The following RAI14 variants were observed in gnomAD, a reference collection of about 807,000 sequenced individuals.
The protein encoded by RAI14 is ankycorbin.
In RAI14, 45 loss-of-function variants were observed where a neutral mutation model predicts 115.4. The observed-to-expected ratio is 0.39, with a 90% CI of 0.31 to 0.50. RAI14 has a LOEUF of 0.50. Among genes scored for constraint, RAI14 ranks in the 20% least tolerant of loss-of-function variants. The pLI is 0.85. For missense variants in RAI14, 939 were observed against 1,131.2 expected, an observed-to-expected ratio of 0.83 and a Z score of 2.44; for synonymous variants, 371 against 415.4, an observed-to-expected ratio of 0.89 and a Z score of 1.30.
At chr5:34,757,422 G>A (rs759111064) in intron 2 of RAI14, 46 bp from the exon 3 acceptor site, 54 of 1,604,462 alleles carry the variant, frequency 3.4e-5, no homozygotes, top group Non-Finnish European at 4.6e-5. Flanking sequence ...CAGTGCGGCT[G>A]TGGCCAGTGT....
At chr5:34,829,877 C>A in intron 17 of RAI14, 80 bp downstream of exon 17, 1 of 1,164,490 alleles carries the variant, frequency 8.6e-7, no homozygotes, top group Non-Finnish European at 1.2e-6. Context: ...CATCATTTAA[C>A]TAGGAGAATG....
rs767751027 is a variant in RAI14 at position 34,831,809 on chromosome 5, C to T, written c.*1044C>T. 8 of 152,128 alleles carry T rather than the reference C, an allele frequency of 5.3e-5. No individual in the cohort carries two copies. The highest frequency in any genetic ancestry group is 4.4e-5 in the Non-Finnish European group (3 of 68,026). 9.4% of individuals were successfully genotyped at this position (152,128 alleles called of 1,614,324 possible). ...GACCTAATATGAGCTGCCACCAACA[C>T]CCCTAGAACTTTCAGCCATGGTGTC... On this transcript the variant is annotated 3_prime_UTR_variant, in exon 18 of 18. Coordinates refer to ENST00000265109, the MANE Select transcript of RAI14 (RefSeq NM_015577.3).
chr5:34,713,068 G>A (rs11951239), intron 2 of RAI14, among the ~76,000 whole-genome samples: 42,035 of 151,774 alleles, frequency 0.28, 6,578 homozygotes, highest in African/African-American at 0.44. Context: ...TTGGTGGGGC[G>A]CAAAACATTT....
chr5:34,776,693 A>G (rs1750879526), intron 3 of RAI14, among the ~76,000 whole-genome samples: 2 of 151,964 alleles, frequency 1.3e-5, no homozygotes, highest in Admixed American at 6.6e-5. Flanking sequence ...TGTAGTTGCA[A>G]CTATTCGGGA....
intron 1 of RAI14, among the ~76,000 whole-genome samples, chr5:34,676,843 A>AT (rs1268553437): frequency 2.0e-5 from 3 of 152,336 alleles, no homozygotes; most frequent in Admixed American, 2.0e-4. Context: ...TTTAAAAAGA[A>AT]TGTGCTCATT....
intron 12 of RAI14, 126 bp downstream of exon 12, chr5:34,814,795 A>C: frequency 1.4e-6 from 1 of 729,746 alleles, no homozygotes; most frequent in East Asian, 2.8e-5. Context: ...CCTTTTCACC[A>C]TGAAGTACCC....
At chr5:34,796,293 G>A (rs2150209050) in intron 4 of RAI14, among the ~76,000 whole-genome samples, 1 of 152,036 alleles carries the variant, frequency 6.6e-6, no homozygotes, top group East Asian at 1.9e-4. Context: ...AGCTACTCAG[G>A]AGGCTGAGAC....
At chr5:34,809,151 C>T (rs1045856885) in intron 7 of RAI14, among the ~76,000 whole-genome samples, 2 of 152,184 alleles carry the variant, frequency 1.3e-5, no homozygotes, top group African/African-American at 4.8e-5. Context: ...TTCCCATTTG[C>T]TCCAAGAATA....
intron 3 of RAI14, among the ~76,000 whole-genome samples, chr5:34,777,329 A>G (rs1750989426): frequency 1.3e-5 from 2 of 152,352 alleles, no homozygotes; most frequent in South Asian, 2.1e-4. Context: ...ACAATGGAAT[A>G]CTATTTGGCC....
chr5:34,732,634 TTG>T (rs1744346343), intron 2 of RAI14, among the ~76,000 whole-genome samples: 1 of 151,638 alleles, frequency 6.6e-6, no homozygotes, highest in Non-Finnish European at 1.5e-5. Context: ...AGATGGGGTT[TTG>T]CCACGTTGGC....
chr5:34,808,717 C>T (rs967874100), intron 7 of RAI14, 63 bp downstream of exon 7: 2 of 1,450,930 alleles, frequency 1.4e-6, no homozygotes, highest in Admixed American at 1.7e-5. Context: ...CAATGGGATA[C>T]CTCTAGAGTC....
rs757049411 is a variant in RAI14 at position 34,823,487 on chromosome 5, A to C, written c.1645A>C (p.Asn549His). Residue 549 changes from asparagine (N) to histidine (H), a missense_variant, in exon 15 of 18, where the codon AAT becomes CAT. Coordinates refer to ENST00000265109, the MANE Select transcript of RAI14 (RefSeq NM_015577.3). This position sits in a 1 kb window ranked among gnomAD's most constrained non-coding sequence, Gnocchi z 4.5. ...LQNALEESER[N>H]KEKVRELEEK... ...GAATGCATTAGAAGAAAGTGAAAGAAATAAAGAGAAAGTGAGAGAGTTAGA... is the reference window on the plus strand; with the variant it reads ...GAATGCATTAGAAGAAAGTGAAAGACATAAAGAGAAAGTGAGAGAGTTAGA... 1.9e-6 allele frequency: 3 copies of C among 1,614,068 alleles called. No homozygotes were observed. In the African/African-American group the frequency reaches 4.0e-5, roughly 22 times the overall value.
intron 1 of RAI14, among the ~76,000 whole-genome samples, chr5:34,683,723 G>A (rs1251101584): frequency 6.6e-6 from 1 of 151,618 alleles, no homozygotes; most frequent in Non-Finnish European, 1.5e-5. Flanking sequence ...TTTGAAGGGC[G>A]ATTCCCACCT....
At chr5:34,708,349 T>C (rs1386503988) in intron 2 of RAI14, among the ~76,000 whole-genome samples, 1 of 152,078 alleles carries the variant, frequency 6.6e-6, no homozygotes. Context: ...ATTACAGGCA[T>C]GCGCCACCTC....
At chr5:34,726,314 G>C (rs954109044) in intron 2 of RAI14, among the ~76,000 whole-genome samples, 2 of 152,188 alleles carry the variant, frequency 1.3e-5, no homozygotes, top group Non-Finnish European at 2.9e-5. Flanking sequence ...TGTACTGGAG[G>C]CATGCCTGGG....
chr5:34,806,583 T>C (rs1348466575), intron 5 of RAI14, among the ~76,000 whole-genome samples: 1 of 151,668 alleles, frequency 6.6e-6, no homozygotes, highest in African/African-American at 2.4e-5. Flanking sequence ...GGCATGGTGG[T>C]CCACTACATG....
In RAI14 at chr5:34,748,225, G is replaced by A. The variant is rs1451432756; in HGVS notation, c.37-9243G>A. 2.0e-5 allele frequency among the ~76,000 whole-genome samples: 3 copies of A among 152,272 alleles called. No individual in the cohort carries two copies. The East Asian group carries it at 5.8e-4, about 29-fold the overall frequency. On this transcript the variant is annotated intron_variant, in intron 2 of 17. Transcript: ENST00000265109. ...TGATGGATTTCGGGGTGAATAGCAG[G>A]GACAGTGTAACCTGCATGTGTGAAT...
intron 1 of RAI14, among the ~76,000 whole-genome samples, chr5:34,665,896 CTCAATTTGAAAACTAGTCA>C (rs1579854608): frequency 6.6e-6 from 1 of 152,166 alleles, no homozygotes; most frequent in East Asian, 1.9e-4. Context: ...GTTTTATACT[CTCAATTTGAAAACTAGTCA>C]TCGGTTGCTA....
At chr5:34,693,922 T>C (rs560120473) in intron 2 of RAI14, among the ~76,000 whole-genome samples, 121 of 152,354 alleles carry the variant, frequency 7.9e-4, no homozygotes, top group African/African-American at 2.8e-3. Context: ...CTTTGTTTCC[T>C]GAGAGCCAAA....
Sources: allele counts gnomAD v4.1 joint callset (sites outside exome capture counted in the v4.1 genomes callset), GRCh38; gene constraint gnomAD v4.1.1; non-coding constraint Gnocchi (gnomAD v3.1); transcripts MANE v1.5; gene names NCBI Gene and HGNC (gene_info 2026-07-23, HGNC 2026-07-21).